FLT3: variants seen among roughly 807,000 people sequenced by gnomAD.
The protein encoded by FLT3 is fms related receptor tyrosine kinase 3.
FLT3 carries 46 observed loss-of-function variants against 126.6 expected under a neutral mutation model. The observed-to-expected ratio is 0.36, with a 90% CI of 0.29 to 0.46. FLT3 has a LOEUF of 0.46. FLT3 is among the 20% of genes least tolerant of loss of function. The pLI, the probability that FLT3 is intolerant of heterozygous loss-of-function variation, is 1.00. For synonymous variants in FLT3, 404 were observed against 434.4 expected, an observed-to-expected ratio of 0.93 and a Z score of 0.87; for missense variants, 1,069 against 1,190.3, an observed-to-expected ratio of 0.90 and a Z score of 1.50.
chr13:28,004,117 G>A lies in FLT3; in HGVS notation c.2917C>T (p.Arg973Ter), dbSNP rs191501493. 7 of 1,613,984 alleles carry A rather than the reference G, an allele frequency of 4.3e-6. No individual in the cohort carries two copies. Among genetic ancestry groups the A allele is most frequent in the East Asian group, 4.5e-5 (2 of 44,882 alleles). The change falls in exon 24 of 24, where the codon CGA (arginine) becomes TGA (stop). Residue 973 changes from arginine (R) to a stop codon, truncating the protein, a stop_gained. Transcript: ENST00000241453. LOFTEE classifies it low-confidence loss of function (END_TRUNC). The part of the protein sequence containing the change: ...SECPHTYQNR[R>*]PFSREMDLGL... ...AAATCCATCTCTCTGCTGAAAGGTC[G>A]CCTGTTTTGGTAGGTGTGAGGACAT...
intron 23 of FLT3, among the ~76,000 whole-genome samples, chr13:28,010,340 G>C (rs1871250673): frequency 6.6e-6 from 1 of 152,168 alleles, no homozygotes; most frequent in Non-Finnish European, 1.5e-5. Flanking sequence ...GACAGAGAGA[G>C]ACCCATAATA....
chr13:28,073,945 A>AC (rs766889992), intron 1 of FLT3, among the ~76,000 whole-genome samples: 1 of 145,546 alleles, frequency 6.9e-6, no homozygotes, highest in African/African-American at 2.5e-5. Context: ...GCCTCTAAAA[A>AC]AAAAAAAAAA....
chr13:28,024,749 A>G (rs1188086971), intron 18 of FLT3, 112 bp downstream of exon 18: 5 of 740,366 alleles, frequency 6.8e-6, no homozygotes, highest in Non-Finnish European at 9.0e-6. Context: ...TCATCTGACA[A>G]TTAGCAAATT....
chr13:28,087,772 T>C (rs1385882784), intron 1 of FLT3, among the ~76,000 whole-genome samples: 1 of 152,156 alleles, frequency 6.6e-6, no homozygotes, highest in East Asian at 1.9e-4. Context: ...CCAAGTCCAC[T>C]AATCTTTTCT....
At chr13:28,088,766 C>T (rs1334819020) in intron 1 of FLT3, among the ~76,000 whole-genome samples, 9 of 149,282 alleles carry the variant, frequency 6.0e-5, no homozygotes, top group African/African-American at 1.5e-4. Context: ...TTTGTTTTTT[C>T]GTAGAGACGG....
intron 23 of FLT3, among the ~76,000 whole-genome samples, chr13:28,006,591 A>T (rs1420899317): frequency 1.3e-5 from 2 of 152,080 alleles, no homozygotes; most frequent in Admixed American, 1.3e-4. Flanking sequence ...ATTAACTAAC[A>T]TGTGCTCTTC....
intron 23 of FLT3, among the ~76,000 whole-genome samples, chr13:28,011,918 C>T (rs181033292): frequency 1.9e-4 from 29 of 152,246 alleles, no homozygotes; most frequent in Non-Finnish European, 3.2e-4. Flanking sequence ...CTGCCTCAGC[C>T]TCCCGAGTAG....
intron 2 of FLT3, among the ~76,000 whole-genome samples, chr13:28,064,863 A>G (rs897448264): frequency 4.6e-5 from 7 of 152,226 alleles, no homozygotes; most frequent in African/African-American, 7.2e-5. Context: ...ACTTCTGGGA[A>G]TAAGCACACC....
chr13:28,092,956 C>T (rs1259300042), intron 1 of FLT3, among the ~76,000 whole-genome samples: 37 of 131,686 alleles, frequency 2.8e-4, no homozygotes, highest in African/African-American at 1.0e-3. Flanking sequence ...GGGTCTCGCT[C>T]TGTCACCCAG....
At chr13:28,099,568 C>T (rs1302334228) in intron 1 of FLT3, among the ~76,000 whole-genome samples, 1 of 152,122 alleles carries the variant, frequency 6.6e-6, no homozygotes, top group Middle Eastern at 3.2e-3. Flanking sequence ...CAGATGAGGA[C>T]GCGGAGGCCG....
chr13:28,034,784 G>A (rs375809149), intron 12 of FLT3, among the ~76,000 whole-genome samples: 8 of 152,138 alleles, frequency 5.3e-5, no homozygotes, highest in Non-Finnish European at 1.0e-4. Context: ...GTGAAATCCC[G>A]TCTCTAAAAA....
At chr13:28,019,845 G>T (rs182134827) in intron 19 of FLT3, among the ~76,000 whole-genome samples, 1 of 152,054 alleles carries the variant, frequency 6.6e-6, no homozygotes, top group African/African-American at 2.4e-5. Context: ...CTGCTCTGCC[G>T]GCTCCTGTCT....
At position 28,003,996 on chromosome 13, in the gene FLT3, C is replaced by T. The variant is rs1870656517; in HGVS notation, c.*56G>A. Reference sequence around the variant, plus strand: ...ATGAAATTAATCTTGTTTTGGTAATCTACAGCCTGTTAGGGATAGGTGGAG... The same window carrying T: ...ATGAAATTAATCTTGTTTTGGTAATTTACAGCCTGTTAGGGATAGGTGGAG... On this transcript the variant is annotated 3_prime_UTR_variant, in exon 24 of 24. Transcript: ENST00000241453. 1 of 1,599,898 alleles carries T rather than the reference C, an allele frequency of 6.3e-7. No homozygotes were observed. The highest frequency in any genetic ancestry group is 8.6e-7 in the Non-Finnish European group (1 of 1,167,796).
chr13:28,036,137 C>A, intron 10 of FLT3, 94 bp from the exon 11 acceptor site: 1 of 1,027,626 alleles, frequency 9.7e-7, no homozygotes, highest in Non-Finnish European at 1.5e-6. Context: ...GTGGGAGGAT[C>A]ACTTGGGCCA....
intron 9 of FLT3, among the ~76,000 whole-genome samples, chr13:28,043,861 C>A (rs1486310606): frequency 3.5e-4 from 54 of 152,136 alleles, no homozygotes; most frequent in Non-Finnish European, 4.4e-5. Context: ...GCTGTAATCC[C>A]AGCACTTTGG....
In FLT3 at chr13:28,057,788, T is replaced by C. The variant is rs6491256; in HGVS notation, c.369-326A>G. Among the ~76,000 whole-genome samples, 148,052 of 152,282 alleles carry C rather than the reference T, an allele frequency of 0.97. 72,094 individuals are homozygous for C. The highest frequency in any genetic ancestry group is 1 in the Non-Finnish European group (68,011 of 68,036). ...GGTGCGGTGGCTCATACCTGTAATC[T>C]CAGAACTTTGGGAAGCCGAGGCAGG... On this transcript the variant is annotated intron_variant, in intron 3 of 23. Coordinates refer to ENST00000241453, the MANE Select transcript of FLT3 (RefSeq NM_004119.3).
At chr13:28,089,565 G>A (rs964116788) in intron 1 of FLT3, among the ~76,000 whole-genome samples, 5 of 151,940 alleles carry the variant, frequency 3.3e-5, no homozygotes, top group Non-Finnish European at 7.4e-5. Flanking sequence ...ACAATCACCT[G>A]ATCAGATAAA....
At chr13:28,008,341 TAATA>T (rs1235748046) in intron 23 of FLT3, among the ~76,000 whole-genome samples, 1 of 151,824 alleles carries the variant, frequency 6.6e-6, no homozygotes, top group Non-Finnish European at 1.5e-5. Context: ...CTTTGTTTTC[TAATA>T]AATGAATTTA....
intron 15 of FLT3, among the ~76,000 whole-genome samples, chr13:28,031,352 A>G (rs1032456710): frequency 1.3e-5 from 2 of 152,140 alleles, no homozygotes; most frequent in Admixed American, 1.3e-4. Context: ...TGAGTCCTGA[A>G]GAAAAATGGG....
Sources: allele counts gnomAD v4.1 joint callset (sites outside exome capture counted in the v4.1 genomes callset), GRCh38; gene constraint gnomAD v4.1.1; transcripts MANE v1.5; gene names NCBI Gene and HGNC (gene_info 2026-07-23, HGNC 2026-07-21).